The following UBE4B variants were observed in gnomAD, a reference collection of about 807,000 sequenced individuals.
The protein encoded by UBE4B is ubiquitin conjugation factor E4 B.
A neutral mutation model predicts 148.1 loss-of-function variants in UBE4B; 27 were observed. That is an observed-to-expected ratio of 0.18 (90% confidence interval 0.13 to 0.25). The LOEUF is 0.25. Ranked by LOEUF, UBE4B falls within the 10% of genes least tolerant of loss-of-function variation. The pLI is 1.00. For missense variants in UBE4B, 1,170 were observed against 1,662.4 expected (o/e 0.70, Z 5.15); for synonymous variants, 596 against 619.3 (o/e 0.96, Z 0.56).
rs1444409908 is a variant in UBE4B, at chr1:10,094,653, C to G, written c.212-808C>G. Among the ~76,000 whole-genome samples the G allele has an allele frequency of 3.9e-5, 6 of 151,918 alleles. No individual in the cohort carries two copies. In the East Asian group the frequency reaches 7.7e-4, roughly 20 times the overall value. The stretch of plus-strand genomic sequence containing the variant: ...GTTTCACCATGTTAGCCAGGATGGT[C>G]TCAATCTCCTGACCTTGTGATTCAC... On this transcript the variant is annotated intron_variant, in intron 2 of 27. Coordinates refer to ENST00000343090, the MANE Select transcript of UBE4B (RefSeq NM_001105562.3).
Position 10,179,417 on chromosome 1 carries a change from C to T in UBE4B, c.3702C>T (p.Asp1234=), listed in dbSNP as rs746485466. ...DYSDAPDEFR[D]PLMDTLMTDP... ...GTTTGCTTTGCTTTGTCCCCGCAGA[C>T]CCTCTGATGGACACCCTCATGACAG... Residue 1234 remains aspartate (D), a splice_region_variant and synonymous_variant, in exon 27 of 28, where the codon GAC becomes GAT. Transcript: ENST00000343090. 1.9e-6 allele frequency: 3 copies of T among 1,613,814 alleles called. No individual in the cohort carries two copies. The highest frequency in any genetic ancestry group is 2.5e-6 in the Non-Finnish European group (3 of 1,179,948).
At chr1:10,051,015 C>T (rs1022596790) in intron 1 of UBE4B, among the ~76,000 whole-genome samples, 4 of 151,962 alleles carry the variant, frequency 2.6e-5, no homozygotes, top group Non-Finnish European at 5.9e-5. Flanking sequence ...TGGTTGTTTG[C>T]TTTTTGTTTT....
intron 7 of UBE4B, among the ~76,000 whole-genome samples, chr1:10,109,536 T>C (rs879710030): frequency 6.6e-6 from 1 of 152,000 alleles, no homozygotes; most frequent in Non-Finnish European, 1.5e-5. Flanking sequence ...TTAGTTGATA[T>C]AAAAAAGAAT....
intron 1 of UBE4B, among the ~76,000 whole-genome samples, chr1:10,038,414 TTC>T (rs1198056820): frequency 1.3e-5 from 2 of 152,222 alleles, no homozygotes; most frequent in African/African-American, 4.8e-5. Context: ...TAGGAGCCTC[TTC>T]TGTGCCAGGC....
chr1:10,097,294 G>A (rs1188275138), intron 3 of UBE4B, among the ~76,000 whole-genome samples: 1 of 151,844 alleles, frequency 6.6e-6, no homozygotes, highest in Non-Finnish European at 1.5e-5. Context: ...ATCTAGGATT[G>A]AAATTTCTGG....
chr1:10,050,821 C>G (rs955936164), intron 1 of UBE4B, among the ~76,000 whole-genome samples: 4 of 151,818 alleles, frequency 2.6e-5, no homozygotes, highest in African/African-American at 4.8e-5. Context: ...CCTCCTCGGC[C>G]TCCCAAAGTG....
At chr1:10,131,484 C>A (rs1198073185) in intron 14 of UBE4B, among the ~76,000 whole-genome samples, 2 of 151,254 alleles carry the variant, frequency 1.3e-5, no homozygotes, top group African/African-American at 4.9e-5. Context: ...GACTCCATCT[C>A]AAAAAAAAGA....
intron 16 of UBE4B, among the ~76,000 whole-genome samples, chr1:10,136,792 G>T (rs1032363922): frequency 6.6e-6 from 1 of 151,968 alleles, no homozygotes; most frequent in African/African-American, 2.4e-5. Flanking sequence ...GGTAGCACAC[G>T]CCTGTAATCC....
chr1:10,135,213 A>G (rs748969458), intron 16 of UBE4B, 27 bp downstream of exon 16: 8 of 1,595,588 alleles, frequency 5.0e-6, no homozygotes, highest in Non-Finnish European at 6.8e-6. Flanking sequence ...TGACTCGGTC[A>G]TTAAAACACT....
chr1:10,102,239 A>G (rs1645024749), intron 4 of UBE4B, among the ~76,000 whole-genome samples: 1 of 151,994 alleles, frequency 6.6e-6, no homozygotes, highest in Non-Finnish European at 1.5e-5. Context: ...TGTAATGAGA[A>G]ATGTTACAAT....
In UBE4B at chr1:10,137,231, G is replaced by C. The variant is rs373030845; in HGVS notation, c.2363+26G>C. The C allele has an allele frequency of 1.9e-6, 3 of 1,612,416 alleles. No individual in the cohort carries two copies. In the South Asian group the frequency reaches 3.3e-5, roughly 18 times the overall value. On this transcript the variant is annotated intron_variant, in intron 17 of 27. Transcript: ENST00000343090. Reference sequence around the variant, plus strand: ...GTATGTGCCATGATACCGTGTCCTGGGATTGCCTGAGTTACCACTTTTTCT... The same window carrying C: ...GTATGTGCCATGATACCGTGTCCTGCGATTGCCTGAGTTACCACTTTTTCT...
chr1:10,136,824 G>A (rs559113998), intron 16 of UBE4B, among the ~76,000 whole-genome samples: 125 of 152,246 alleles, frequency 8.2e-4, no homozygotes, highest in African/African-American at 2.7e-3. Flanking sequence ...GGAGGCTGAG[G>A]CAGGAGAATC....
At chr1:10,149,317 T>C (rs760596347) in intron 20 of UBE4B, 35 bp downstream of exon 20, 53 of 1,487,908 alleles carry the variant, frequency 3.6e-5, no homozygotes, top group Non-Finnish European at 4.8e-5. Context: ...AGTTCTAATA[T>C]GTTTTTATGC....
intron 1 of UBE4B, among the ~76,000 whole-genome samples, chr1:10,056,792 A>G (rs971669171): frequency 1.3e-5 from 2 of 152,250 alleles, no homozygotes; most frequent in South Asian, 2.1e-4. Context: ...CCCATTGCAC[A>G]TGGTCTGGTC....
intron 17 of UBE4B, among the ~76,000 whole-genome samples, chr1:10,144,035 T>G (rs994561593): frequency 2.0e-5 from 3 of 152,272 alleles, no homozygotes; most frequent in Admixed American, 2.0e-4. Flanking sequence ...CAGCCTCTAG[T>G]ATTACACACA....
chr1:10,118,866 GTCTTTTTTTTTTTTT>G (rs1645361152), intron 8 of UBE4B, among the ~76,000 whole-genome samples: 1 of 82,500 alleles, frequency 1.2e-5, no homozygotes, highest in Admixed American at 1.2e-4. Flanking sequence ...GGCCAGGCTG[GTCTTTTTTTTTTTTT>G]TTTTTTTTTT....
At chr1:10,121,796 A>G (rs141091703) in intron 9 of UBE4B, among the ~76,000 whole-genome samples, 166 bp from the exon 10 acceptor site, 161 of 152,270 alleles carry the variant, frequency 1.1e-3, no homozygotes, top group African/African-American at 3.6e-3. Context: ...CCAAAAAGTG[A>G]TTACTATTGG....
At chr1:10,045,131 G>T (rs1202096409) in intron 1 of UBE4B, among the ~76,000 whole-genome samples, 3 of 152,194 alleles carry the variant, frequency 2.0e-5, no homozygotes, top group Non-Finnish European at 4.4e-5. Context: ...TGCCACTGCT[G>T]ATCTTGCAGG....
intron 2 of UBE4B, among the ~76,000 whole-genome samples, chr1:10,085,396 C>G (rs1046088562): frequency 2.0e-5 from 3 of 152,166 alleles, no homozygotes; most frequent in African/African-American, 7.2e-5. Flanking sequence ...GACATCTTCC[C>G]GAGGCTCCCT....
Sources: allele counts gnomAD v4.1 joint callset (sites outside exome capture counted in the v4.1 genomes callset), GRCh38; gene constraint gnomAD v4.1.1; transcripts MANE v1.5; gene names NCBI Gene and HGNC (gene_info 2026-07-23, HGNC 2026-07-21).